OPCML: variants seen among roughly 807,000 people sequenced by gnomAD.
OPCML encodes opioid-binding protein/cell adhesion molecule.
A neutral mutation model predicts 37.8 loss-of-function variants in OPCML; 13 were observed. The observed-to-expected ratio is 0.34, with a 90% CI of 0.22 to 0.55. The LOEUF (loss-of-function observed/expected upper bound fraction) is 0.55. Among genes scored for constraint, OPCML ranks in the 20% least tolerant of loss-of-function variants. The probability of loss-of-function intolerance (pLI) is 0.91; values close to 1 mark genes in which losing one functional copy is unlikely to be tolerated. For synonymous variants in OPCML, 176 were observed against 168.8 expected, an observed-to-expected ratio of 1.04 and a Z score of -0.33; for missense variants, 341 against 435.6, an observed-to-expected ratio of 0.78 and a Z score of 1.93.
chr11:132,695,498 A>C (rs1245028901), intron 2 of OPCML, among the ~76,000 whole-genome samples: 2 of 152,178 alleles, frequency 1.3e-5, no homozygotes, highest in East Asian at 3.9e-4. Flanking sequence ...GGAGCTTAAC[A>C]ATCCATCTTC....
intron 3 of OPCML, among the ~76,000 whole-genome samples, chr11:132,560,165 A>G (rs949804309): frequency 1.3e-5 from 2 of 152,180 alleles, no homozygotes; most frequent in African/African-American, 4.8e-5. Flanking sequence ...TTCCCTAGGT[A>G]ATAGAAATCT....
chr11:132,799,646 C>T (rs779173891), intron 2 of OPCML, among the ~76,000 whole-genome samples: 8 of 151,434 alleles, frequency 5.3e-5, no homozygotes, highest in Non-Finnish European at 1.0e-4. Context: ...TATGTGGCAC[C>T]GAGACATTAA....
chr11:132,761,809 T>C (rs1946276699), intron 2 of OPCML, among the ~76,000 whole-genome samples: 1 of 152,170 alleles, frequency 6.6e-6, no homozygotes, highest in Admixed American at 6.5e-5. Context: ...CCTACTTCTG[T>C]CAATTGATCA....
At chr11:133,042,594 C>T (rs1169982694) in intron 1 of OPCML, among the ~76,000 whole-genome samples, 1 of 152,184 alleles carries the variant, frequency 6.6e-6, no homozygotes, top group Non-Finnish European at 1.5e-5. Context: ...ACACTGGCTT[C>T]CTGAAGCTCA....
At chr11:132,729,170 A>G (rs973463428) in intron 2 of OPCML, among the ~76,000 whole-genome samples, 6 of 152,114 alleles carry the variant, frequency 3.9e-5, no homozygotes, top group Non-Finnish European at 8.8e-5. Flanking sequence ...CTTTCTGTGG[A>G]CTCACTTGGA....
chr11:133,023,868 T>G (rs949360383), intron 1 of OPCML, among the ~76,000 whole-genome samples: 5 of 152,200 alleles, frequency 3.3e-5, no homozygotes, highest in Admixed American at 6.5e-5. Flanking sequence ...TTTAATAAAA[T>G]TAACACTTGG....
chr11:132,451,387 G>C (rs954717312), intron 4 of OPCML, among the ~76,000 whole-genome samples: 1 of 151,254 alleles, frequency 6.6e-6, no homozygotes, highest in African/African-American at 2.4e-5. Flanking sequence ...TGGGGCGGGG[G>C]TGGGGGCGCA....
chr11:132,936,159 C>A (rs558314011), intron 2 of OPCML, among the ~76,000 whole-genome samples: 31 of 152,294 alleles, frequency 2.0e-4, no homozygotes, highest in Non-Finnish European at 3.2e-4. Context: ...GATGGGACAG[C>A]AGACAGCTGC....
chr11:133,265,711 A>G lies in OPCML; in HGVS notation c.61+266553T>C, dbSNP rs544360977. On this transcript the variant is annotated intron_variant, in intron 1 of 7. Coordinates refer to ENST00000524381, the MANE Select transcript of OPCML (RefSeq NM_001012393.5). The stretch of plus-strand genomic sequence containing the variant: ...GAGTGAAGATGTGTCTGAAGGAGTC[A>G]GGCTGAGTACCACAGACGCTGCCGG... 7.7e-4 allele frequency among the ~76,000 whole-genome samples: 118 copies of G among 152,302 alleles called. 4 individuals are homozygous for G. Among genetic ancestry groups the G allele is most frequent in the African/African-American group, 2.6e-3 (109 of 41,566 alleles).
At chr11:132,925,218 AT>A (rs1159796097) in intron 2 of OPCML, among the ~76,000 whole-genome samples, 1 of 152,156 alleles carries the variant, frequency 6.6e-6, no homozygotes. Context: ...GAGCACAGTA[AT>A]TTCAAACTGC....
chr11:132,531,756 G>T (rs1051825734), intron 3 of OPCML, among the ~76,000 whole-genome samples: 9 of 146,856 alleles, frequency 6.1e-5, no homozygotes, highest in East Asian at 2.0e-4. Flanking sequence ...TGTTCTACCC[G>T]TTTTTTTTTT....
At chr11:132,748,547 A>C (rs575234207) in intron 2 of OPCML, among the ~76,000 whole-genome samples, 1 of 152,280 alleles carries the variant, frequency 6.6e-6, no homozygotes, top group East Asian at 1.9e-4. Flanking sequence ...AAGGAGCCTG[A>C]GTGTGGCCTG....
chr11:132,887,573 G>A (rs1037663620), intron 2 of OPCML, among the ~76,000 whole-genome samples: 12 of 152,324 alleles, frequency 7.9e-5, no homozygotes, highest in African/African-American at 2.2e-4. Flanking sequence ...CAATAGGCAC[G>A]TTTCTAAACT....
intron 1 of OPCML, among the ~76,000 whole-genome samples, chr11:133,230,755 GGACA>G (rs1161865186): frequency 6.6e-6 from 1 of 152,156 alleles, no homozygotes; most frequent in Non-Finnish European, 1.5e-5. Context: ...ATTTCACTGA[GGACA>G]GGCCCATTTT....
At chr11:132,457,962 G>A (rs1351838385) in intron 4 of OPCML, among the ~76,000 whole-genome samples, 3 of 152,232 alleles carry the variant, frequency 2.0e-5, no homozygotes, top group African/African-American at 4.8e-5. Context: ...AGATTCCAGA[G>A]AGGAGAGCCA....
intron 3 of OPCML, among the ~76,000 whole-genome samples, chr11:132,631,528 C>G (rs1359033222): frequency 6.6e-6 from 1 of 150,854 alleles, no homozygotes; most frequent in African/African-American, 2.4e-5. Flanking sequence ...GGCAAGATCT[C>G]GGCTCACTGC....
intron 1 of OPCML, among the ~76,000 whole-genome samples, chr11:133,078,247 G>T (rs943592127): frequency 2.0e-5 from 3 of 152,156 alleles, no homozygotes; most frequent in Non-Finnish European, 4.4e-5. Flanking sequence ...GCAGCCGCCC[G>T]GACGATCTGA....
At chr11:132,924,235 T>C (rs1591809356) in intron 2 of OPCML, among the ~76,000 whole-genome samples, 2 of 152,052 alleles carry the variant, frequency 1.3e-5, no homozygotes, top group African/African-American at 2.4e-5. Flanking sequence ...CTGTAAATGC[T>C]TGGGGGATGG....
At chr11:132,447,219 C>A (rs1046111777) in intron 4 of OPCML, among the ~76,000 whole-genome samples, 1 of 152,202 alleles carries the variant, frequency 6.6e-6, no homozygotes, top group Non-Finnish European at 1.5e-5. Context: ...TCAGGAATGC[C>A]TTTGTTGTTT....
Sources: gnomAD v4.1 joint callset for allele counts (sites outside exome capture counted in the v4.1 genomes callset) on GRCh38, gnomAD v4.1.1 for gene constraint, MANE v1.5 for transcripts, NCBI Gene and HGNC (gene_info 2026-07-23, HGNC 2026-07-21) for gene names.